ERBB4: variants seen among roughly 807,000 people sequenced by gnomAD.
ERBB4 encodes the protein erb-b2 receptor tyrosine kinase 4, also known as receptor tyrosine-protein kinase erbB-4.
In ERBB4, 42 loss-of-function variants were observed where a neutral mutation model predicts 158.0. That is an observed-to-expected ratio of 0.27 (90% confidence interval 0.21 to 0.34). The LOEUF is 0.34. Ranked by LOEUF, ERBB4 falls within the 10% of genes least tolerant of loss-of-function variation. The probability of loss-of-function intolerance (pLI) is 1.00; values close to 1 mark genes in which losing one functional copy is unlikely to be tolerated. For synonymous variants in ERBB4, 583 were observed against 558.7 expected (o/e 1.04, Z -0.61); for missense variants, 1,333 against 1,624.1 (o/e 0.82, Z 3.08).
intron 1 of ERBB4, among the ~76,000 whole-genome samples, chr2:212,456,651 T>G (rs1008505067): frequency 2.0e-5 from 3 of 152,006 alleles, no homozygotes; most frequent in Non-Finnish European, 2.9e-5. Flanking sequence ...TAGAACTAAC[T>G]CATGATTAAA....
At chr2:212,231,167 C>G (rs2105982582) in intron 1 of ERBB4, among the ~76,000 whole-genome samples, 1 of 151,854 alleles carries the variant, frequency 6.6e-6, no homozygotes, top group South Asian at 2.1e-4. Flanking sequence ...AGAAGTGTTA[C>G]AGAACATCAG....
intron 1 of ERBB4, among the ~76,000 whole-genome samples, chr2:212,467,208 T>C (rs1688882549): frequency 6.6e-6 from 1 of 152,170 alleles, no homozygotes. Context: ...AATCCCATAT[T>C]CTGAAGAGAA....
chr2:211,773,798 A>G (rs962233653), intron 4 of ERBB4, among the ~76,000 whole-genome samples: 3 of 150,976 alleles, frequency 2.0e-5, no homozygotes, highest in African/African-American at 7.3e-5. Context: ...TGTTAACTAG[A>G]TAGAAAACAA....
chr2:212,415,135 G>T (rs143852102), intron 1 of ERBB4, among the ~76,000 whole-genome samples: 117 of 152,212 alleles, frequency 7.7e-4, no homozygotes, highest in African/African-American at 2.6e-3. Context: ...CTTGTCAAAC[G>T]TCACTTACGT....
intron 3 of ERBB4, among the ~76,000 whole-genome samples, chr2:211,826,816 C>T (rs1368892479): frequency 6.6e-6 from 1 of 152,030 alleles, no homozygotes; most frequent in Non-Finnish European, 1.5e-5. Context: ...TGTATTTCTG[C>T]ATTTATCAAA....
At chr2:211,851,530 T>C (rs903893856) in intron 3 of ERBB4, among the ~76,000 whole-genome samples, 7 of 151,924 alleles carry the variant, frequency 4.6e-5, no homozygotes, top group Admixed American at 4.6e-4. Context: ...TTGCTCATGT[T>C]TAGATAATGG....
chr2:211,963,955 T>A (rs550126875), intron 2 of ERBB4, among the ~76,000 whole-genome samples: 1 of 152,126 alleles, frequency 6.6e-6, no homozygotes, highest in Non-Finnish European at 1.5e-5. Context: ...GAGGAACAAA[T>A]GAAAAAATGA....
chr2:212,215,591 TTG>T (rs2083074303), intron 1 of ERBB4, among the ~76,000 whole-genome samples: 2 of 151,396 alleles, frequency 1.3e-5, no homozygotes, highest in African/African-American at 4.8e-5. Context: ...AACTTAGTTT[TTG>T]TGTTTTTATA....
chr2:212,083,511 T>C (rs2078507173), intron 2 of ERBB4, among the ~76,000 whole-genome samples: 1 of 151,746 alleles, frequency 6.6e-6, no homozygotes, highest in Non-Finnish European at 1.5e-5. Flanking sequence ...GAAGGCACCA[T>C]AAACGCAGGA....
intron 1 of ERBB4, among the ~76,000 whole-genome samples, chr2:212,178,344 A>AATCC: frequency 6.6e-6 from 1 of 151,586 alleles, no homozygotes; most frequent in African/African-American, 2.4e-5. Context: ...CAGACAAGAG[A>AATCC]TGATGTTAGG....
chr2:212,009,844 T>A (rs1441196488), intron 2 of ERBB4, among the ~76,000 whole-genome samples: 1 of 152,132 alleles, frequency 6.6e-6, no homozygotes, highest in Admixed American at 6.6e-5. Flanking sequence ...GACATTTGTA[T>A]CCTCCCACCT....
rs1178286882 is a variant in ERBB4, at chr2:211,519,853, C to T, written c.2487+42050G>A. Among the ~76,000 whole-genome samples, 3 of 152,090 alleles carry T rather than the reference C, an allele frequency of 2.0e-5. 1 individual carries two copies. The highest frequency in any genetic ancestry group is 1.9e-4 in the East Asian group (1 of 5,188). On this transcript the variant is annotated intron_variant, in intron 20 of 27. Coordinates refer to ENST00000342788, the MANE Select transcript of ERBB4 (RefSeq NM_005235.3). ...ACTAGAAATACAAAAACACTGTTATCGAAAAGAGCTATCCTGACCACTTCA... is the reference window on the plus strand; with the variant it reads ...ACTAGAAATACAAAAACACTGTTATTGAAAAGAGCTATCCTGACCACTTCA...
intron 1 of ERBB4, among the ~76,000 whole-genome samples, chr2:212,482,613 CTTTG>C (rs754676648): frequency 7.7e-4 from 117 of 152,064 alleles, no homozygotes; most frequent in Middle Eastern, 6.8e-3. Context: ...AACTCAACTT[CTTTG>C]TTTGTTTGTT....
chr2:211,592,749 C>T (rs1371510829), intron 19 of ERBB4, among the ~76,000 whole-genome samples: 5 of 152,096 alleles, frequency 3.3e-5, no homozygotes, highest in African/African-American at 7.2e-5. Flanking sequence ...TGGTGGCTGA[C>T]GCCTGTAATC....
At chr2:212,159,507 A>G (rs2081142210) in intron 1 of ERBB4, among the ~76,000 whole-genome samples, 2 of 152,086 alleles carry the variant, frequency 1.3e-5, no homozygotes, top group African/African-American at 4.8e-5. Context: ...AAGTTCATAT[A>G]TTTTCAACAA....
chr2:212,016,924 G>T (rs1005633920), intron 2 of ERBB4, among the ~76,000 whole-genome samples: 1 of 151,950 alleles, frequency 6.6e-6, no homozygotes, highest in East Asian at 1.9e-4. Context: ...CTTAATAAAA[G>T]GTAGTTGTCA....
intron 19 of ERBB4, among the ~76,000 whole-genome samples, chr2:211,577,165 C>T (rs2067916215): frequency 6.6e-6 from 1 of 152,104 alleles, no homozygotes; most frequent in Middle Eastern, 3.2e-3. Flanking sequence ...GTTTCCCTTG[C>T]TTCTAAAATT....
At chr2:212,037,764 T>A (rs1331269820) in intron 2 of ERBB4, among the ~76,000 whole-genome samples, 1 of 152,218 alleles carries the variant, frequency 6.6e-6, no homozygotes, top group African/African-American at 2.4e-5. Flanking sequence ...TAAAAATTAA[T>A]CTTTTCTAAG....
intron 1 of ERBB4, among the ~76,000 whole-genome samples, chr2:212,345,276 A>AAAAAAAAAAAAAAAAAAAAAAAAAAC (rs1238040023): frequency 6.7e-6 from 1 of 149,896 alleles, no homozygotes; most frequent in Non-Finnish European, 1.5e-5. Context: ...AAAAAAAAAA[A>AAAAAAAAAAAAAAAAAAAAAAAAAAC]AGCACTAAAC....
Sources: gnomAD v4.1 joint callset for allele counts (sites outside exome capture counted in the v4.1 genomes callset) on GRCh38, gnomAD v4.1.1 for gene constraint, MANE v1.5 for transcripts, NCBI Gene and HGNC (gene_info 2026-07-23, HGNC 2026-07-21) for gene names.